LHFPL6: variants seen among roughly 807,000 people sequenced by gnomAD.
LHFPL6 encodes LHFPL tetraspan subfamily member 6.
A neutral mutation model predicts 20.6 loss-of-function variants in LHFPL6; 9 were observed. The observed-to-expected ratio is 0.44, with a 90% CI of 0.26 to 0.76. The LOEUF is 0.76. LHFPL6 is among the 30% of genes least tolerant of loss of function. The pLI is 0.20. For missense variants in LHFPL6, 218 were observed against 253.5 expected, an observed-to-expected ratio of 0.86 and a Z score of 0.95; for synonymous variants, 105 against 98.7, an observed-to-expected ratio of 1.06 and a Z score of -0.38.
At chr13:39,533,590 C>T (rs1870530475) in intron 2 of LHFPL6, among the ~76,000 whole-genome samples, 6 of 152,204 alleles carry the variant, frequency 3.9e-5, no homozygotes, top group Admixed American at 3.9e-4. Context: ...GAAAACCACT[C>T]ATCTCTGCTA....
At chr13:39,473,957 T>C (rs1022700128) in intron 2 of LHFPL6, among the ~76,000 whole-genome samples, 2 of 152,194 alleles carry the variant, frequency 1.3e-5, no homozygotes, top group African/African-American at 2.4e-5. Context: ...TAAATGACCA[T>C]CCAGTAAATT....
intron 2 of LHFPL6, among the ~76,000 whole-genome samples, chr13:39,566,179 T>A (rs886236591): frequency 6.6e-6 from 1 of 152,208 alleles, no homozygotes; most frequent in Admixed American, 6.5e-5. Flanking sequence ...GTAGAAGTCT[T>A]CATACAGAAC....
chr13:39,421,472 T>C (rs1282694766), intron 2 of LHFPL6, among the ~76,000 whole-genome samples: 1 of 152,172 alleles, frequency 6.6e-6, no homozygotes, highest in African/African-American at 2.4e-5. Flanking sequence ...TTAAAAAAAA[T>C]TCTCATTGTC....
intron 2 of LHFPL6, among the ~76,000 whole-genome samples, chr13:39,569,182 G>A (rs1871831768): frequency 6.7e-6 from 1 of 148,478 alleles, no homozygotes; most frequent in South Asian, 2.1e-4. Flanking sequence ...TGGATGGATG[G>A]ATGGATGGAT....
At position 39,408,976 on chromosome 13, in the gene LHFPL6, G is replaced by A. The variant is rs532403682; in HGVS notation, c.386-30450C>T. On this transcript the variant is annotated intron_variant, in intron 2 of 3. Transcript: ENST00000379589. ...GTAAAGAGCCATCACAATAATCAAA[G>A]TAGTGGTCCATTTGTGCAGGATAGT... Among the ~76,000 whole-genome samples, 223 of 152,332 alleles carry A rather than the reference G, an allele frequency of 1.5e-3. 3 individuals carry two copies. The South Asian group carries it at 0.03, about 21-fold the overall frequency.
intron 2 of LHFPL6, among the ~76,000 whole-genome samples, chr13:39,565,369 A>T (rs949163515): frequency 6.6e-6 from 1 of 152,228 alleles, no homozygotes; most frequent in African/African-American, 2.4e-5. Flanking sequence ...GTTTACTGCA[A>T]ATTACATACG....
intron 2 of LHFPL6, among the ~76,000 whole-genome samples, chr13:39,545,818 C>T (rs1454702165): frequency 6.6e-6 from 1 of 152,024 alleles, no homozygotes; most frequent in Non-Finnish European, 1.5e-5. Context: ...CACCTGTAAT[C>T]CCAACACTTT....
At chr13:39,432,121 T>C (rs1452783639) in intron 2 of LHFPL6, among the ~76,000 whole-genome samples, 1 of 152,092 alleles carries the variant, frequency 6.6e-6, no homozygotes, top group Non-Finnish European at 1.5e-5. Flanking sequence ...GATGAATGAG[T>C]CTGTACCAGA....
At chr13:39,350,949 A>C (rs1869554806) in intron 3 of LHFPL6, among the ~76,000 whole-genome samples, 1 of 152,208 alleles carries the variant, frequency 6.6e-6, no homozygotes, top group African/African-American at 2.4e-5. Context: ...AGAGAGGTAC[A>C]AAGAATCCAG....
intron 2 of LHFPL6, among the ~76,000 whole-genome samples, chr13:39,461,705 G>A (rs1872691860): frequency 2.0e-5 from 3 of 152,120 alleles, no homozygotes; most frequent in Admixed American, 2.0e-4. Flanking sequence ...CTGGGGAAGG[G>A]AACCAAAAAG....
At chr13:39,431,513 C>A (rs1871802858) in intron 2 of LHFPL6, among the ~76,000 whole-genome samples, 1 of 152,118 alleles carries the variant, frequency 6.6e-6, no homozygotes, top group Non-Finnish European at 1.5e-5. Context: ...CTGAAATATC[C>A]ATTGTTCTTC....
chr13:39,585,196 C>G (rs2324347), intron 2 of LHFPL6, among the ~76,000 whole-genome samples: 3 of 152,146 alleles, frequency 2.0e-5, no homozygotes, highest in Admixed American at 2.0e-4. Flanking sequence ...TGAGGGAATA[C>G]ACAGAAACAA....
At chr13:39,438,827 T>A (rs1872034682) in intron 2 of LHFPL6, among the ~76,000 whole-genome samples, 1 of 152,200 alleles carries the variant, frequency 6.6e-6, no homozygotes, top group African/African-American at 2.4e-5. Flanking sequence ...GTACAAGAGT[T>A]GAGGTTTGGG....
At chr13:39,448,428 C>A (rs778957841) in intron 2 of LHFPL6, among the ~76,000 whole-genome samples, 2 of 152,062 alleles carry the variant, frequency 1.3e-5, no homozygotes, top group Non-Finnish European at 2.9e-5. Flanking sequence ...TTTAAAGAGG[C>A]GGGAACAAGG....
At chr13:39,454,082 G>A (rs1872513809) in intron 2 of LHFPL6, among the ~76,000 whole-genome samples, 1 of 152,000 alleles carries the variant, frequency 6.6e-6, no homozygotes, top group Admixed American at 6.6e-5. Context: ...TCATACTTGG[G>A]GATAATCAAG....
chr13:39,410,872 A>C (rs1211787224), intron 2 of LHFPL6, among the ~76,000 whole-genome samples: 1 of 152,220 alleles, frequency 6.6e-6, no homozygotes, highest in Non-Finnish European at 1.5e-5. Flanking sequence ...TTTGCAGGGA[A>C]AAAGAGAAAT....
At chr13:39,545,430 A>G (rs1870951702) in intron 2 of LHFPL6, among the ~76,000 whole-genome samples, 1 of 152,042 alleles carries the variant, frequency 6.6e-6, no homozygotes, top group African/African-American at 2.4e-5. Flanking sequence ...CCACACAGAC[A>G]GTAAGTGGCT....
At chr13:39,394,278 G>C (rs557927701) in intron 2 of LHFPL6, among the ~76,000 whole-genome samples, 1 of 152,202 alleles carries the variant, frequency 6.6e-6, no homozygotes, top group South Asian at 2.1e-4. Context: ...AATCAGATTA[G>C]ATTAGGATCC....
intron 2 of LHFPL6, 100 bp downstream of exon 2, chr13:39,600,732 C>T: frequency 1.6e-6 from 2 of 1,223,054 alleles, no homozygotes; most frequent in Non-Finnish European, 2.2e-6. Context: ...CTTATGCATT[C>T]CAGGTGTCAT....
Sources: allele counts gnomAD v4.1 joint callset (sites outside exome capture counted in the v4.1 genomes callset), GRCh38; gene constraint gnomAD v4.1.1; transcripts MANE v1.5; gene names NCBI Gene and HGNC (gene_info 2026-07-23, HGNC 2026-07-21).